KIAA1217: variants seen among roughly 807,000 people sequenced by gnomAD.
KIAA1217 encodes KIAA1217, also known as sickle tail protein homolog.
A neutral mutation model predicts 163.9 loss-of-function variants in KIAA1217; 88 were observed. That is an observed-to-expected ratio of 0.54 (90% CI 0.45 to 0.64). The LOEUF (loss-of-function observed/expected upper bound fraction) is 0.64. KIAA1217 is among the 30% of genes least tolerant of loss of function. The pLI is 0.00. For missense variants in KIAA1217, 2,372 were observed against 2,475.0 expected (o/e 0.96, Z 0.88); for synonymous variants, 903 against 923.1 (o/e 0.98, Z 0.39).
At chr10:23,800,893 C>T (rs1269536380) in intron 1 of KIAA1217, among the ~76,000 whole-genome samples, 1 of 152,082 alleles carries the variant, frequency 6.6e-6, no homozygotes, top group African/African-American at 2.4e-5. Flanking sequence ...TAAACTAGTT[C>T]AACCATTGTG....
chr10:24,138,693 C>T (rs1014697432), intron 2 of KIAA1217, among the ~76,000 whole-genome samples: 3 of 151,524 alleles, frequency 2.0e-5, no homozygotes, highest in Non-Finnish European at 2.9e-5. Flanking sequence ...TCACCACTTC[C>T]CCCTATCTGG....
intron 2 of KIAA1217, among the ~76,000 whole-genome samples, chr10:24,312,301 C>G (rs1285040598): frequency 2.8e-5 from 4 of 143,856 alleles, no homozygotes; most frequent in Admixed American, 1.4e-4. Context: ...AACTTCATGT[C>G]ATAGATTTAA....
intron 5 of KIAA1217, among the ~76,000 whole-genome samples, chr10:24,443,379 C>T (rs1019198779): frequency 6.6e-6 from 1 of 152,122 alleles, no homozygotes; most frequent in African/African-American, 2.4e-5. Context: ...GAAATTATAG[C>T]CTTCATTATC....
At chr10:24,261,716 G>C (rs990879903) in intron 2 of KIAA1217, among the ~76,000 whole-genome samples, 1 of 152,210 alleles carries the variant, frequency 6.6e-6, no homozygotes, top group African/African-American at 2.4e-5. Context: ...GAGTGACTAG[G>C]GGGTGGGCTA....
In KIAA1217 at chr10:24,494,523, A is replaced by G; in HGVS notation, c.1703A>G (p.Lys568Arg). 6.2e-7 allele frequency: 1 copy of G among 1,613,894 alleles called. No homozygotes were observed. The highest frequency in any genetic ancestry group is 1.3e-5 in the African/African-American group (1 of 75,006). ...AGAGAGAGGATGCAAGCCATGGAGA[A>G]ACAGATTGCCAGTTTAACTGGCCTT... is the stretch of plus-strand genomic sequence containing the variant. The part of the protein sequence containing the change: ...ETRERMQAME[K>R]QIASLTGLVQ... Residue 568 changes from lysine (K) to arginine (R), a missense_variant, in exon 7 of 21, where the codon AAA (lysine) becomes AGA (arginine). Lys to Arg is a conservative substitution (Grantham distance 26, BLOSUM62 2). Around this residue, in one of 3 missense-constraint regions of KIAA1217, gnomAD observed 1,431 missense variants for 1,470.3 expected, o/e 0.97. Coordinates refer to ENST00000376454, the MANE Select transcript of KIAA1217 (RefSeq NM_019590.5).
intron 4 of KIAA1217, among the ~76,000 whole-genome samples, chr10:24,436,757 C>CAAAAAA (rs10560676): frequency 2.1e-4 from 15 of 70,872 alleles, no homozygotes; most frequent in East Asian, 5.6e-4. Context: ...GACTCCGTCT[C>CAAAAAA]AAAAAAAAAA....
At chr10:24,123,231 A>T (rs916776225) in intron 2 of KIAA1217, among the ~76,000 whole-genome samples, 2 of 151,784 alleles carry the variant, frequency 1.3e-5, no homozygotes, top group African/African-American at 4.8e-5. Context: ...TTATTTTAAA[A>T]TTTTAAAATA....
chr10:23,900,304 C>T (rs1841902757), intron 1 of KIAA1217, among the ~76,000 whole-genome samples: 1 of 152,082 alleles, frequency 6.6e-6, no homozygotes, highest in South Asian at 2.1e-4. Flanking sequence ...CCACACCCAG[C>T]CCCTTCCTTT....
chr10:23,779,012 G>C (rs1489453274), intron 1 of KIAA1217, among the ~76,000 whole-genome samples: 1 of 152,038 alleles, frequency 6.6e-6, no homozygotes, highest in Admixed American at 6.6e-5. Flanking sequence ...TTAACATTCT[G>C]AACAATGCTG....
At chr10:23,707,666 C>T (rs936879357) in intron 1 of KIAA1217, among the ~76,000 whole-genome samples, 48 of 152,056 alleles carry the variant, frequency 3.2e-4, no homozygotes, top group Non-Finnish European at 2.5e-4. Context: ...ACTGAAAGTC[C>T]GGACTTTACC....
intron 3 of KIAA1217, among the ~76,000 whole-genome samples, chr10:24,401,559 C>T (rs1295986813): frequency 6.6e-6 from 1 of 151,900 alleles, no homozygotes. Flanking sequence ...ATTAAAAAAA[C>T]ACAAAACTCC....
intron 1 of KIAA1217, among the ~76,000 whole-genome samples, chr10:23,719,614 G>A (rs1837756380): frequency 6.9e-6 from 1 of 145,332 alleles, no homozygotes; most frequent in African/African-American, 2.8e-5. Flanking sequence ...AAATAAAAAG[G>A]AAGAAAAAGC....
chr10:24,373,345 G>A (rs2051968169), intron 2 of KIAA1217, among the ~76,000 whole-genome samples: 1 of 152,086 alleles, frequency 6.6e-6, no homozygotes, highest in African/African-American at 2.4e-5. Flanking sequence ...TGCGCAATTA[G>A]GAACTTCCTC....
chr10:24,499,017 G>A (rs1287545891), intron 8 of KIAA1217, among the ~76,000 whole-genome samples: 1 of 152,168 alleles, frequency 6.6e-6, no homozygotes, highest in Non-Finnish European at 1.5e-5. Flanking sequence ...TTAGCAGAAT[G>A]GTTCTTAGTA....
At chr10:24,404,457 C>G (rs2056955577) in intron 3 of KIAA1217, among the ~76,000 whole-genome samples, 1 of 150,416 alleles carries the variant, frequency 6.6e-6, no homozygotes, top group South Asian at 2.1e-4. Context: ...ATCCCAGCTA[C>G]TCGGGAGGCT....
chr10:23,987,087 G>T (rs777870736), intron 1 of KIAA1217, among the ~76,000 whole-genome samples: 6 of 151,924 alleles, frequency 3.9e-5, no homozygotes, highest in Admixed American at 6.6e-5. Context: ...TTCCAAAAAC[G>T]TAAAAAAGGG....
chr10:23,731,111 A>T (rs1838452160), intron 1 of KIAA1217, among the ~76,000 whole-genome samples: 1 of 151,806 alleles, frequency 6.6e-6, no homozygotes, highest in Non-Finnish European at 1.5e-5. Context: ...CTTTTTTTTC[A>T]GAAGGGTTTG....
At chr10:23,866,661 G>A (rs1314351975) in intron 1 of KIAA1217, among the ~76,000 whole-genome samples, 2 of 151,720 alleles carry the variant, frequency 1.3e-5, no homozygotes, top group Non-Finnish European at 2.9e-5. Flanking sequence ...CTCCTCTGAT[G>A]CCTCTCCCTC....
intron 3 of KIAA1217, among the ~76,000 whole-genome samples, chr10:24,422,298 A>G (rs994561289): frequency 2.0e-5 from 3 of 152,206 alleles, no homozygotes; most frequent in Non-Finnish European, 4.4e-5. Context: ...TCTCTTTCTA[A>G]TATCAAGGTT....
Sources: gnomAD v4.1 joint callset for allele counts (sites outside exome capture counted in the v4.1 genomes callset) on GRCh38, gnomAD v4.1.1 for gene constraint, gnomAD v4.1.1 regional missense constraint, MANE v1.5 for transcripts, NCBI Gene and HGNC (gene_info 2026-07-23, HGNC 2026-07-21) for gene names.